ABCA13: variants seen among roughly 807,000 people sequenced by gnomAD.
ABCA13 encodes ATP-binding cassette sub-family A member 13.
ABCA13 carries 476 observed loss-of-function variants against 478.7 expected under a neutral mutation model. The ratio of observed to expected loss-of-function variants is 0.99; its 90% CI spans 0.92 to 1.07. The LOEUF is 1.07. Ranked by LOEUF, ABCA13 falls within the 50% of genes least tolerant of loss-of-function variation. The probability of loss-of-function intolerance (pLI) is 0.00; values close to 1 mark genes in which losing one functional copy is unlikely to be tolerated. For missense variants in ABCA13, 6,060 were observed against 5,910.6 expected (o/e 1.03, Z -0.83); for synonymous variants, 2,252 against 2,158.9 (o/e 1.04, Z -1.20).
rs1808407923 is a variant in ABCA13, at chr7:48,348,247, C to T, written c.10205-2396C>T. ...GTGGCTCGGAGGCTCAGAACTTTTCCAAGGAACTCTGAGATGCTGTGTCCC... is the reference window on the plus strand; with the variant it reads ...GTGGCTCGGAGGCTCAGAACTTTTCTAAGGAACTCTGAGATGCTGTGTCCC... On this transcript the variant is annotated intron_variant, in intron 29 of 61. Transcript: ENST00000435803. Among the ~76,000 whole-genome samples the T allele has an allele frequency of 2.0e-5, 3 of 152,256 alleles. No homozygotes were observed. The South Asian group carries it at 6.2e-4, about 32-fold the overall frequency.
At chr7:48,216,745 G>C (rs1480155873) in intron 3 of ABCA13, among the ~76,000 whole-genome samples, 2 of 151,740 alleles carry the variant, frequency 1.3e-5, no homozygotes, top group Non-Finnish European at 2.9e-5. Flanking sequence ...TATCCATTTT[G>C]AGTTGACTTT....
intron 51 of ABCA13, among the ~76,000 whole-genome samples, chr7:48,516,412 G>A (rs1233954014): frequency 6.6e-6 from 1 of 152,056 alleles, no homozygotes; most frequent in African/African-American, 2.4e-5. Flanking sequence ...GACTGTCGCA[G>A]CATGGCAGTG....
At chr7:48,481,779 A>G (rs868061086) in intron 46 of ABCA13, among the ~76,000 whole-genome samples, 15 of 152,150 alleles carry the variant, frequency 9.9e-5, no homozygotes, top group Middle Eastern at 3.4e-3. Flanking sequence ...AAGTGCTAGG[A>G]TTACAGGCAT....
intron 9 of ABCA13, 125 bp from the exon 10 acceptor site, chr7:48,240,742 A>T: frequency 2.6e-6 from 2 of 764,666 alleles, no homozygotes; most frequent in Non-Finnish European, 3.7e-6. Flanking sequence ...CAGACATTTT[A>T]ATTTACCAAA....
intron 26 of ABCA13, 106 bp from the exon 27 acceptor site, chr7:48,317,051 T>C (rs1802695699): frequency 5.1e-6 from 7 of 1,361,146 alleles, no homozygotes; most frequent in Non-Finnish European, 5.9e-6. Context: ...GAAAAAAATA[T>C]GGCTGTCATT....
chr7:48,419,250 C>A (rs929733107), intron 41 of ABCA13, among the ~76,000 whole-genome samples: 1 of 152,182 alleles, frequency 6.6e-6, no homozygotes, highest in African/African-American at 2.4e-5. Flanking sequence ...AGATCCAAAC[C>A]ATATTATGCT....
chr7:48,498,375 G>T (rs369391658), intron 48 of ABCA13, among the ~76,000 whole-genome samples: 3 of 152,232 alleles, frequency 2.0e-5, no homozygotes, highest in African/African-American at 7.2e-5. Flanking sequence ...GCAATGCCTT[G>T]TTCAGGATAT....
At chr7:48,185,595 T>G (rs1796251581) in intron 1 of ABCA13, among the ~76,000 whole-genome samples, 1 of 152,218 alleles carries the variant, frequency 6.6e-6, no homozygotes, top group Non-Finnish European at 1.5e-5. Flanking sequence ...TATATTTAGC[T>G]TCTTTTTGCT....
In ABCA13 at chr7:48,245,899, T is replaced by C. The variant is rs746594921; in HGVS notation, c.1528T>C (p.Phe510Leu). 1 of 1,613,458 alleles carries C rather than the reference T, an allele frequency of 6.2e-7. No individual in the cohort carries two copies. The highest frequency in any genetic ancestry group is 1.7e-5 in the Admixed American group (1 of 59,962). Residue 510 changes from phenylalanine (F) to leucine (L), a missense_variant, in exon 13 of 62, where the codon TTC (phenylalanine) becomes CTC (leucine). Phe to Leu is a conservative substitution (Grantham distance 22). Coordinates refer to ENST00000435803, the MANE Select transcript of ABCA13 (RefSeq NM_152701.5). ...GAATGCTGTCTGCCCGAATGGTCGT[T>C]TCTCTGAGAAGGAGGTCTTTTTGCC... is the stretch of plus-strand genomic sequence containing the variant. ...AKNAVCPNGR[F>L]SEKEVFLPPG...
Position 48,483,294 on chromosome 7 carries a change from A to T in ABCA13, c.13182+131A>T, listed in dbSNP as rs1828964363. The T allele has an allele frequency of 1.2e-5, 9 of 722,686 alleles. No individual in the cohort carries two copies. In the South Asian group the frequency reaches 2.1e-4, roughly 17 times the overall value. The allele number at this position is 722,686 out of a possible 1,614,324, so 44.8% of individuals were successfully genotyped here. The stretch of plus-strand genomic sequence containing the variant: ...AATCATTTGTTACTAAGCATCAAGG[A>T]AAATTATATGTAAACATTGTCTTGA... On this transcript the variant is annotated intron_variant, in intron 47 of 61. Coordinates refer to ENST00000435803, the MANE Select transcript of ABCA13 (RefSeq NM_152701.5).
intron 48 of ABCA13, among the ~76,000 whole-genome samples, chr7:48,502,474 C>T (rs1830843880): frequency 6.6e-6 from 1 of 152,156 alleles, no homozygotes; most frequent in Non-Finnish European, 1.5e-5. Flanking sequence ...TTATTGAGCT[C>T]CCCACAGAAA....
chr7:48,397,682 T>C (rs1214294864), intron 38 of ABCA13, among the ~76,000 whole-genome samples: 1 of 152,166 alleles, frequency 6.6e-6, no homozygotes, highest in African/African-American at 2.4e-5. Flanking sequence ...CAGTATTTGT[T>C]TAGATGATCT....
At chr7:48,480,093 C>T (rs979390939) in intron 45 of ABCA13, among the ~76,000 whole-genome samples, 5 of 152,212 alleles carry the variant, frequency 3.3e-5, no homozygotes, top group South Asian at 2.1e-4. Context: ...AACTGATCCT[C>T]AGGCAAGGGA....
intron 22 of ABCA13, among the ~76,000 whole-genome samples, 195 bp from the exon 23 acceptor site, chr7:48,298,171 G>A (rs1051647177): frequency 6.6e-6 from 1 of 152,106 alleles, no homozygotes; most frequent in East Asian, 1.9e-4. Context: ...ACAGAACCTG[G>A]CATTTTGGTT....
intron 23 of ABCA13, among the ~76,000 whole-genome samples, chr7:48,307,659 T>A (rs947636312): frequency 6.6e-6 from 1 of 152,258 alleles, no homozygotes; most frequent in African/African-American, 2.4e-5. Flanking sequence ...TACTGTAACT[T>A]TTTTTACTTT....
chr7:48,550,193 A>G (rs1053649480), intron 55 of ABCA13, among the ~76,000 whole-genome samples: 2 of 151,580 alleles, frequency 1.3e-5, no homozygotes, highest in Non-Finnish European at 3.0e-5. Flanking sequence ...GTAGCTGAAT[A>G]TTTATTTTTA....
chr7:48,256,465 A>T (rs1362525906), intron 15 of ABCA13, among the ~76,000 whole-genome samples: 1 of 151,992 alleles, frequency 6.6e-6, no homozygotes, highest in Non-Finnish European at 1.5e-5. Context: ...TCTTGAGTTG[A>T]TTTTTTTATA....
chr7:48,230,088 T>C, intron 7 of ABCA13, 133 bp downstream of exon 7: 2 of 1,124,438 alleles, frequency 1.8e-6, no homozygotes, highest in Non-Finnish European at 2.4e-6. Context: ...GTATGAATTG[T>C]TTCTGTTAAT....
At chr7:48,248,979 T>A (rs1017277858) in intron 14 of ABCA13, among the ~76,000 whole-genome samples, 1 of 152,188 alleles carries the variant, frequency 6.6e-6, no homozygotes, top group Non-Finnish European at 1.5e-5. Context: ...TGATTTATTG[T>A]CTTATATTTT....
Sources: allele counts gnomAD v4.1 joint callset (sites outside exome capture counted in the v4.1 genomes callset), GRCh38; gene constraint gnomAD v4.1.1; transcripts MANE v1.5; gene names NCBI Gene and HGNC (gene_info 2026-07-23, HGNC 2026-07-21).